Variants in CAGE1 observed in about 807,000 individuals in gnomAD.
CAGE1 encodes the protein cancer antigen 1.
Under a neutral mutation model 94.9 loss-of-function variants are expected in CAGE1, and 66 were observed. That is an observed-to-expected ratio of 0.70 (90% CI 0.57 to 0.85). The LOEUF is 0.85. Among genes scored for constraint, CAGE1 ranks in the 40% least tolerant of loss-of-function variants. The probability of loss-of-function intolerance (pLI) is 0.00; values close to 1 mark genes in which losing one functional copy is unlikely to be tolerated. For synonymous variants in CAGE1, 319 were observed against 321.0 expected (o/e 0.99, Z 0.07); for missense variants, 865 against 950.4 (o/e 0.91, Z 1.18).
intron 12 of CAGE1, among the ~76,000 whole-genome samples, chr6:7,330,341 C>T (rs577204222): frequency 1.4e-4 from 22 of 152,270 alleles, no homozygotes; most frequent in Admixed American, 1.2e-3. Flanking sequence ...TAGCTAAGAT[C>T]GCGCCATTGC....
chr6:7,379,387 A>C (rs567651623), intron 3 of CAGE1, among the ~76,000 whole-genome samples: 1 of 152,346 alleles, frequency 6.6e-6, no homozygotes, highest in African/African-American at 2.4e-5. Flanking sequence ...AAACACATAT[A>C]AACTTGCTTA....
In CAGE1 at chr6:7,389,491, G is replaced by T. The variant is rs545815307; in HGVS notation, c.-313C>A. Reference sequence around the variant, plus strand: ...CGCAGAGACAGGTGCAGCCCGCGAGGCCCGAGCGACCCTACTGTGGGTGCG... The same window carrying T: ...CGCAGAGACAGGTGCAGCCCGCGAGTCCCGAGCGACCCTACTGTGGGTGCG... On this transcript the variant is annotated 5_prime_UTR_variant, in exon 1 of 14. Transcript: ENST00000502583. 163 of 373,678 alleles carry T rather than the reference G, an allele frequency of 4.4e-4. No individual in the cohort carries two copies. The highest frequency in any genetic ancestry group is 3.3e-3 in the African/African-American group (157 of 47,360). The allele number at this position is 373,678 out of a possible 1,614,324, so 23.1% of individuals were successfully genotyped here. A position where few individuals can be genotyped will look rare whatever the true frequency, so the allele number is the denominator to read the frequency against.
At chr6:7,340,724 C>T (rs1241230473) in intron 11 of CAGE1, 1 of 239,402 alleles carries the variant, frequency 4.2e-6, no homozygotes, top group Non-Finnish European at 8.1e-6. Context: ...ACACCCCAGG[C>T]TTCTGGACCA....
At chr6:7,327,492 T>G (rs1318032010) in intron 13 of CAGE1, among the ~76,000 whole-genome samples, 2 of 152,204 alleles carry the variant, frequency 1.3e-5, no homozygotes, top group African/African-American at 2.4e-5. Context: ...TTCAACCTTT[T>G]TCCCACTAAG....
intron 11 of CAGE1, chr6:7,340,954 C>T (rs1759148431): frequency 2.3e-6 from 1 of 431,288 alleles, no homozygotes; most frequent in African/African-American, 2.1e-5. Flanking sequence ...TACATACAGG[C>T]TTTGCCACAG....
intron 1 of CAGE1, among the ~76,000 whole-genome samples, chr6:7,388,701 G>A (rs1761225199): frequency 1.3e-5 from 2 of 152,134 alleles, no homozygotes; most frequent in Admixed American, 1.3e-4. Flanking sequence ...TTGAAAATTA[G>A]TTGTTTTCAA....
chr6:7,360,908 G>A (rs1402022353), intron 9 of CAGE1, among the ~76,000 whole-genome samples: 2 of 151,964 alleles, frequency 1.3e-5, no homozygotes, highest in Non-Finnish European at 2.9e-5. Flanking sequence ...GATCACGCCA[G>A]TGCACTCCAG....
intron 11 of CAGE1, among the ~76,000 whole-genome samples, chr6:7,344,096 G>T (rs1157805677): frequency 6.6e-6 from 1 of 152,234 alleles, no homozygotes; most frequent in Non-Finnish European, 1.5e-5. Flanking sequence ...CACCTCCTCT[G>T]CCTGGGCTCC....
At chr6:7,327,838 G>A (rs1758588225) in intron 13 of CAGE1, among the ~76,000 whole-genome samples, 2 of 152,110 alleles carry the variant, frequency 1.3e-5, no homozygotes, top group Admixed American at 6.5e-5. Context: ...GCTGAGGCAG[G>A]AGAATCACTT....
chr6:7,369,848 G>T (rs371503970), intron 6 of CAGE1, 71 bp downstream of exon 6: 9 of 1,370,920 alleles, frequency 6.6e-6, no homozygotes, highest in African/African-American at 1.5e-5. Context: ...TCCTTTTATT[G>T]CCTCTCTTTT....
chr6:7,370,874 A>G (rs1000169756), intron 5 of CAGE1, among the ~76,000 whole-genome samples: 1 of 152,214 alleles, frequency 6.6e-6, no homozygotes, highest in African/African-American at 2.4e-5. Flanking sequence ...TTTTGACTTC[A>G]CAGATACTCC....
intron 3 of CAGE1, 34 bp downstream of exon 3, chr6:7,385,751 C>A (rs1289082907): frequency 7.3e-7 from 1 of 1,360,722 alleles, no homozygotes; most frequent in East Asian, 2.6e-5. Flanking sequence ...AAAAGTTTCT[C>A]TCTTTTGCAT....
In CAGE1 at chr6:7,373,642, G is replaced by C. The variant is rs1199594605; in HGVS notation, c.1177C>G (p.Gln393Glu). 1 of 1,613,158 alleles carries C rather than the reference G, an allele frequency of 6.2e-7. No homozygotes were observed. The highest frequency in any genetic ancestry group is 8.5e-7 in the Non-Finnish European group (1 of 1,179,678). Residue 393 changes from glutamine (Q) to glutamate (E), a missense_variant, in exon 5 of 14, where the codon CAA becomes GAA. By Grantham distance (29) the Gln-to-Glu change is conservative (BLOSUM62 2). Transcript: ENST00000502583. ...QNLEEVLANT[Q>E]KHLQESRNDK... The stretch of plus-strand genomic sequence containing the variant: ...TTCCTGGATTCCTGAAGATGTTTTT[G>C]CGTGTTAGCTAAAACCTCTTCCAAA...
chr6:7,331,297 A>G, intron 12 of CAGE1: 1 of 961,788 alleles, frequency 1.0e-6, no homozygotes, highest in Non-Finnish European at 1.5e-6. Context: ...CACATGGCAA[A>G]CAAAATCAAG....
intron 11 of CAGE1, among the ~76,000 whole-genome samples, chr6:7,346,868 AAAGAAG>A (rs1011147808): frequency 3.4e-5 from 2 of 58,786 alleles, no homozygotes; most frequent in Admixed American, 4.2e-4. Context: ...AAAAAAAAAA[AAAGAAG>A]AAAGAAAGAA....
chr6:7,370,054 C>A lies in CAGE1; in HGVS notation c.1758G>T (p.Thr586=). The A allele has an allele frequency of 6.2e-7, 1 of 1,602,938 alleles. No individual in the cohort carries two copies. Among genetic ancestry groups the A allele is most frequent in the South Asian group, 1.1e-5 (1 of 88,714 alleles). The change falls in exon 6 of 14, where the codon ACG becomes ACT. Residue 586 remains threonine, a synonymous_variant. Coordinates refer to ENST00000502583, the MANE Select transcript of CAGE1 (RefSeq NM_001170692.2). ...AATCCGGGAGCAGATTAGAATGTGT[C>A]GTTTTTGTATCCTACATGCACGTAA... ...LKSDITKDTK[T]THSNLLPDCS... is the part of the protein sequence containing the mutation.
intron 11 of CAGE1, among the ~76,000 whole-genome samples, chr6:7,345,776 T>C (rs990526542): frequency 4.6e-5 from 7 of 151,472 alleles, no homozygotes; most frequent in Non-Finnish European, 8.9e-5. Context: ...ACAAAAAAAA[T>C]TAGCTGGGCG....
intron 1 of CAGE1, among the ~76,000 whole-genome samples, chr6:7,387,897 G>A (rs1466180411): frequency 1.3e-5 from 2 of 151,106 alleles, no homozygotes; most frequent in South Asian, 2.1e-4. Flanking sequence ...AGCTGGGCGC[G>A]GTGGCGTGTG....
At chr6:7,380,636 CAAA>C (rs34895462) in intron 3 of CAGE1, among the ~76,000 whole-genome samples, 1 of 129,452 alleles carries the variant, frequency 7.7e-6, no homozygotes, top group Non-Finnish European at 1.7e-5. Flanking sequence ...GACTCCATCT[CAAA>C]AAAAAAAAAA....
Sources: gnomAD v4.1 joint callset for allele counts (sites outside exome capture counted in the v4.1 genomes callset) on GRCh38, gnomAD v4.1.1 for gene constraint, MANE v1.5 for transcripts, NCBI Gene and HGNC (gene_info 2026-07-23, HGNC 2026-07-21) for gene names.